TTC23L: variants seen among roughly 807,000 people sequenced by gnomAD.
TTC23L encodes the protein tetratricopeptide repeat domain 23 like.
TTC23L carries 42 observed loss-of-function variants against 48.1 expected under a neutral mutation model. The ratio of observed to expected loss-of-function variants is 0.87; its 90% CI spans 0.68 to 1.13. The LOEUF (loss-of-function observed/expected upper bound fraction) is 1.13. Among genes scored for constraint, TTC23L ranks in the 50% most tolerant of loss-of-function variants. The pLI is 0.00. For missense variants in TTC23L, 391 were observed against 421.0 expected (o/e 0.93, Z 0.62); for synonymous variants, 159 against 157.2 (o/e 1.01, Z -0.09).
chr5:34,848,694 C>T (rs36071744), intron 3 of TTC23L, among the ~76,000 whole-genome samples: 3 of 151,850 alleles, frequency 2.0e-5, no homozygotes, highest in Non-Finnish European at 1.5e-5. Context: ...GGGAGCAGCA[C>T]GTGCACAGCC....
intron 8 of TTC23L, among the ~76,000 whole-genome samples, chr5:34,879,451 A>G (rs1267515754): frequency 6.6e-6 from 1 of 152,202 alleles, no homozygotes; most frequent in Non-Finnish European, 1.5e-5. Context: ...ACAACTATAT[A>G]TTTAAAATAC....
chr5:34,859,883 G>GTCCA (rs1432142666), intron 4 of TTC23L, among the ~76,000 whole-genome samples: 1 of 100,848 alleles, frequency 9.9e-6, no homozygotes, highest in Non-Finnish European at 1.8e-5. Flanking sequence ...TCACTCTGTT[G>GTCCA]TCCAGGCTGG....
At chr5:34,876,590 C>G (rs1761845972) in intron 8 of TTC23L, among the ~76,000 whole-genome samples, 1 of 150,228 alleles carries the variant, frequency 6.7e-6, no homozygotes, top group African/African-American at 2.5e-5. Context: ...AGATCCATTT[C>G]TATTAAAGAA....
intron 8 of TTC23L, among the ~76,000 whole-genome samples, chr5:34,875,385 G>A (rs1761763235): frequency 6.6e-6 from 1 of 152,090 alleles, no homozygotes; most frequent in South Asian, 2.1e-4. Context: ...TCCCGCAATA[G>A]GCCATCTTCA....
intron 4 of TTC23L, among the ~76,000 whole-genome samples, chr5:34,859,563 G>T (rs1159468770): frequency 1.5e-5 from 2 of 130,648 alleles, no homozygotes; most frequent in Admixed American, 8.3e-5. Context: ...TGGGATTAAG[G>T]CCGTTATAAA....
chr5:34,840,248 G>GGGA (rs749580721), intron 1 of TTC23L, among the ~76,000 whole-genome samples: 1 of 143,442 alleles, frequency 7.0e-6, no homozygotes, highest in African/African-American at 2.7e-5. Context: ...GGGGGGGGGG[G>GGGA]GGAAAGCAGA....
At chr5:34,844,283 C>G (rs1758928834) in intron 2 of TTC23L, among the ~76,000 whole-genome samples, 1 of 150,980 alleles carries the variant, frequency 6.6e-6, no homozygotes, top group Admixed American at 6.6e-5. Flanking sequence ...TGTTGCTTCC[C>G]TATCTACACA....
intron 9 of TTC23L, among the ~76,000 whole-genome samples, chr5:34,885,753 AAAG>A (rs1266824690): frequency 4.6e-5 from 7 of 151,730 alleles, no homozygotes; most frequent in African/African-American, 7.2e-5. Context: ...TCTAAAAAAA[AAAG>A]AAAGAAACCA....
chr5:34,880,466 A>AT (rs970892303), intron 9 of TTC23L, among the ~76,000 whole-genome samples, 158 bp downstream of exon 9: 8 of 151,172 alleles, frequency 5.3e-5, no homozygotes, highest in African/African-American at 9.7e-5. Context: ...TAACCGAATT[A>AT]TTTTTTTTTC....
At chr5:34,887,510 A>G (rs1762612900) in intron 9 of TTC23L, among the ~76,000 whole-genome samples, 1 of 152,210 alleles carries the variant, frequency 6.6e-6, no homozygotes, top group Admixed American at 6.5e-5. Flanking sequence ...TAGAATTGCA[A>G]CACAGTAGGA....
intron 4 of TTC23L, among the ~76,000 whole-genome samples, chr5:34,858,810 C>T (rs1449272686): frequency 1.3e-5 from 2 of 152,074 alleles, no homozygotes; most frequent in Non-Finnish European, 2.9e-5. Flanking sequence ...AGTTTTTTCC[C>T]TTTAGGGCTT....
At chr5:34,914,978 G>T in the TTC23L span, 1 of 1,446,094 alleles carries the variant, frequency 6.9e-7, no homozygotes, top group Non-Finnish European at 9.5e-7. Context: ...GGATTAGACA[G>T]TAAAACTCCC....
At chr5:34,864,470 A>T in exon 6 of TTC23L, 1 of 1,613,830 alleles carries the variant, frequency 6.2e-7, no homozygotes, top group Non-Finnish European at 8.5e-7. Context: ...TGCAGAAGGC[A>T]GAGAGAAACA....
At chr5:34,925,207 CTTT>C in the TTC23L span, 2,384 of 1,340,182 alleles carry the variant, frequency 1.8e-3, no homozygotes, top group South Asian at 5.0e-3. Context: ...AGCATCTAAT[CTTT>C]TTTTTTTTTT....
chr5:34,858,322 C>T (rs747429210), intron 4 of TTC23L, among the ~76,000 whole-genome samples: 3 of 152,072 alleles, frequency 2.0e-5, no homozygotes, highest in Non-Finnish European at 4.4e-5. Context: ...TGAAAGAGGA[C>T]GTACTTAGAC....
rs3846632 is a variant in TTC23L, at chr5:34,863,115, G to T, written c.536+61G>T. The T allele has an allele frequency of 0.38, 614,615 of 1,597,020 alleles. 127,088 individuals are homozygous for T. Among genetic ancestry groups the T allele is most frequent in the Non-Finnish European group, 0.43 (502,392 of 1,169,560 alleles). On this transcript the variant is annotated intron_variant, in intron 5 of 10. Coordinates refer to ENST00000505624, the Ensembl canonical transcript of TTC23L. This position sits in a 1 kb window ranked among gnomAD's most constrained non-coding sequence, Gnocchi z 4.1. The stretch of plus-strand genomic sequence containing the variant: ...GGCCACAGGCCACACATGCCAGATG[G>T]GTCATCTCATACAGGAGGGTGGGAG...
intron 8 of TTC23L, among the ~76,000 whole-genome samples, chr5:34,877,963 A>G (rs1477931178): frequency 6.6e-6 from 1 of 152,264 alleles, no homozygotes; most frequent in South Asian, 2.1e-4. Context: ...TCTGGAATTA[A>G]TAAGTGATTA....
chr5:34,886,732 T>C (rs1230843998), intron 9 of TTC23L, among the ~76,000 whole-genome samples: 1 of 152,214 alleles, frequency 6.6e-6, no homozygotes, highest in Non-Finnish European at 1.5e-5. Flanking sequence ...TTGTTAGATA[T>C]GCTGAGGGAG....
At chr5:34,841,014 C>T (rs1379226610) in intron 2 of TTC23L, among the ~76,000 whole-genome samples, 1 of 151,812 alleles carries the variant, frequency 6.6e-6, no homozygotes, top group African/African-American at 2.4e-5. Flanking sequence ...TCACTGCACT[C>T]CAGTCTGGGC....
Sources: gnomAD v4.1 joint callset for allele counts (sites outside exome capture counted in the v4.1 genomes callset) on GRCh38, gnomAD v4.1.1 for gene constraint, Gnocchi (gnomAD v3.1) non-coding constraint, MANE v1.5 for transcripts, NCBI Gene and HGNC (gene_info 2026-07-23, HGNC 2026-07-21) for gene names.